DLGAP5: variants seen among roughly 807,000 people sequenced by gnomAD.
DLGAP5 encodes disks large-associated protein 5.
A neutral mutation model predicts 99.6 loss-of-function variants in DLGAP5; 90 were observed. The ratio of observed to expected loss-of-function variants is 0.90; its 90% confidence interval spans 0.76 to 1.08. DLGAP5 has a LOEUF of 1.08. Among genes scored for constraint, DLGAP5 ranks in the 50% least tolerant of loss-of-function variants. DLGAP5 has a pLI of 0.00. For missense variants in DLGAP5, 1,036 were observed against 983.5 expected (o/e 1.05, Z -0.71); for synonymous variants, 311 against 321.3 (o/e 0.97, Z 0.34).
At chr14:55,175,508 A>G (rs1883031130) in intron 9 of DLGAP5, 36 bp from the exon 10 acceptor site, 2 of 1,146,982 alleles carry the variant, frequency 1.7e-6, no homozygotes, top group East Asian at 2.7e-5. Flanking sequence ...ATAAATTTCA[A>G]AGCAACAATT....
At chr14:55,175,248 GT>G in intron 10 of DLGAP5, 97 bp downstream of exon 10, 1 of 1,050,426 alleles carries the variant, frequency 9.5e-7, no homozygotes. Context: ...CCTAACACCA[GT>G]TTTCCCCCAC....
chr14:55,167,081 C>T (rs138942247), intron 12 of DLGAP5, among the ~76,000 whole-genome samples: 3 of 151,742 alleles, frequency 2.0e-5, no homozygotes, highest in East Asian at 3.9e-4. Context: ...ATGGCGAACC[C>T]CATCTCTACT....
intron 7 of DLGAP5, 75 bp from the exon 8 acceptor site, chr14:55,177,411 G>GA: frequency 7.5e-7 from 1 of 1,336,426 alleles, no homozygotes; most frequent in Admixed American, 2.5e-5. Flanking sequence ...TTATAGGTCT[G>GA]AAAATATGAC....
intron 15 of DLGAP5, 50 bp downstream of exon 15, chr14:55,154,567 T>G (rs1051949853): frequency 1.4e-6 from 2 of 1,437,526 alleles, no homozygotes; most frequent in Non-Finnish European, 2.0e-6. Context: ...TCTGAAATGG[T>G]ATTTAGTATC....
chr14:55,186,473 T>C (rs900482345), intron 2 of DLGAP5, among the ~76,000 whole-genome samples: 2 of 152,234 alleles, frequency 1.3e-5, no homozygotes, highest in Admixed American at 6.5e-5. Flanking sequence ...TTTATTTGAA[T>C]GTCTTTTTAA....
intron 2 of DLGAP5, among the ~76,000 whole-genome samples, chr14:55,184,635 A>C (rs1453472290): frequency 6.6e-6 from 1 of 152,166 alleles, no homozygotes; most frequent in Admixed American, 6.5e-5. Flanking sequence ...CTCTCTCTTG[A>C]AGCGTCGCTT....
At chr14:55,184,828 G>A (rs1425468372) in intron 2 of DLGAP5, among the ~76,000 whole-genome samples, 1 of 152,126 alleles carries the variant, frequency 6.6e-6, no homozygotes, top group South Asian at 2.1e-4. Flanking sequence ...ATATATCTCT[G>A]GATGACATCT....
At chr14:55,176,764 G>A (rs867933219) in intron 8 of DLGAP5, among the ~76,000 whole-genome samples, 2 of 151,904 alleles carry the variant, frequency 1.3e-5, no homozygotes, top group Non-Finnish European at 2.9e-5. Flanking sequence ...GGATCACGAG[G>A]TCAGGAGATC....
intron 7 of DLGAP5, among the ~76,000 whole-genome samples, chr14:55,179,026 G>A (rs548950081): frequency 2.4e-4 from 36 of 152,188 alleles, no homozygotes; most frequent in African/African-American, 7.7e-4. Flanking sequence ...GAGCCTGGGC[G>A]ACAGAGTGAG....
intron 13 of DLGAP5, 123 bp from the exon 14 acceptor site, chr14:55,158,864 C>T (rs1031358091): frequency 3.0e-6 from 2 of 670,728 alleles, no homozygotes; most frequent in East Asian, 2.8e-5. Flanking sequence ...TAAAATATTT[C>T]ACATTCATCA....
intron 3 of DLGAP5, 93 bp downstream of exon 3, chr14:55,183,462 TAATAA>T: frequency 2.0e-6 from 2 of 1,007,860 alleles, no homozygotes; most frequent in Non-Finnish European, 2.7e-6. Flanking sequence ...ACCAACCAGT[TAATAA>T]TGAGACTAAG....
intron 2 of DLGAP5, 34 bp downstream of exon 2, chr14:55,188,908 A>G (rs765879849): frequency 1.1e-5 from 17 of 1,559,414 alleles, no homozygotes; most frequent in Admixed American, 3.5e-5. Flanking sequence ...TTCACTCTTC[A>G]AAGTACTTAA....
At chr14:55,161,398 T>TAA (rs372112390) in intron 13 of DLGAP5, among the ~76,000 whole-genome samples, 29,969 of 132,282 alleles carry the variant, frequency 0.23, 4,047 homozygotes, top group Non-Finnish European at 0.3. Context: ...ACTTTATTAG[T>TAA]AAAAAAAAAA....
chr14:55,149,261 G>T (rs923952499), intron 18 of DLGAP5, among the ~76,000 whole-genome samples: 1 of 152,118 alleles, frequency 6.6e-6, no homozygotes, highest in South Asian at 2.1e-4. Context: ...TTCAGGGTTC[G>T]ATCTGGGAAC....
rs576121743 is a variant in DLGAP5 at position 55,150,026 on chromosome 14, C to T, written c.2418+773G>A. The stretch of plus-strand genomic sequence containing the variant: ...CAAGATCACACCATTGTACCCCAGC[C>T]TGGGTGCAAGAGTGAAACTCTGTCT... On this transcript the variant is annotated intron_variant, in intron 18 of 18. Coordinates refer to ENST00000247191, the MANE Select transcript of DLGAP5 (RefSeq NM_014750.5). Among the ~76,000 whole-genome samples, 30 of 150,080 alleles carry T rather than the reference C, an allele frequency of 2.0e-4. 1 individual carries two copies. In the South Asian group the frequency reaches 5.9e-3, roughly 30 times the overall value.
Position 55,154,762 on chromosome 14 carries a change from G to T in DLGAP5, c.1918C>A (p.Pro640Thr), listed in dbSNP as rs1882147843. 6.2e-7 allele frequency: 1 copy of T among 1,614,010 alleles called. No individual in the cohort carries two copies. The highest frequency in any genetic ancestry group is 1.3e-5 in the African/African-American group (1 of 74,924). Residue 640 changes from proline to threonine, a missense_variant, in exon 15 of 19, where the codon CCT becomes ACT. Transcript: ENST00000247191. Reference protein sequence around the residue: ...SEGPSQRLGTPKSVNKAVSQS... With the variant: ...SEGPSQRLGTTKSVNKAVSQS... ...GATACAGCTTTGTTGACAGACTTAG[G>T]TGTTCCAAGTCTTTGAGAAGGGCCT...
intron 1 of DLGAP5, among the ~76,000 whole-genome samples, chr14:55,189,629 T>C (rs1243388752): frequency 1.1e-4 from 16 of 152,104 alleles, no homozygotes; most frequent in Non-Finnish European, 2.2e-4. Context: ...CTATTAGTCA[T>C]ATAGGGATAA....
In DLGAP5 at chr14:55,148,487, C is replaced by G; in HGVS notation, c.2419-14G>C. 6.2e-7 allele frequency: 1 copy of G among 1,613,710 alleles called. No homozygotes were observed. The highest frequency in any genetic ancestry group is 8.5e-7 in the Non-Finnish European group (1 of 1,179,910). ...GTTTAGACCTGGCTGGAGAACAAAT[C>G]CAGAGAAGTCAGTAAAGTATCCATC... On this transcript the variant is annotated splice_polypyrimidine_tract_variant and intron_variant, in intron 18 of 18. Coordinates refer to ENST00000247191, the MANE Select transcript of DLGAP5 (RefSeq NM_014750.5).
At chr14:55,188,800 AAGG>A in intron 2 of DLGAP5, 139 bp downstream of exon 2, 1 of 590,222 alleles carries the variant, frequency 1.7e-6, no homozygotes. Context: ...AAAAAAAAAA[AAGG>A]AAAAAGACCA....
Sources: gnomAD v4.1 joint callset for allele counts (sites outside exome capture counted in the v4.1 genomes callset) on GRCh38, gnomAD v4.1.1 for gene constraint, MANE v1.5 for transcripts, NCBI Gene and HGNC (gene_info 2026-07-23, HGNC 2026-07-21) for gene names.